The following LTBR variants were observed in gnomAD, a reference collection of about 807,000 sequenced individuals.
The protein encoded by LTBR is tumor necrosis factor receptor superfamily member 3.
In LTBR, 15 loss-of-function variants were observed where a neutral mutation model predicts 45.4. The ratio of observed to expected loss-of-function variants is 0.33; its 90% CI spans 0.22 to 0.51. LTBR has a LOEUF of 0.51. LTBR is among the 20% of genes least tolerant of loss of function. LTBR has a pLI of 0.97. For synonymous variants in LTBR, 228 were observed against 231.0 expected, an observed-to-expected ratio of 0.99 and a Z score of 0.12; for missense variants, 450 against 565.5, an observed-to-expected ratio of 0.80 and a Z score of 2.07.
upstream of LTBR, among the ~76,000 whole-genome samples, chr12:6,382,445 A>T (rs1409590658): frequency 6.6e-6 from 1 of 152,196 alleles, no homozygotes; most frequent in African/African-American, 2.4e-5. Flanking sequence ...GAAGAGAGAG[A>T]AAAAAGGACC....
chr12:6,388,582 C>T lies in LTBR; in HGVS notation c.775+77C>T, dbSNP rs1949075671. 9 of 1,278,268 alleles carry T rather than the reference C, an allele frequency of 7.0e-6. No individual in the cohort carries two copies. The highest frequency in any genetic ancestry group is 1.0e-5 in the Non-Finnish European group (9 of 880,774). 79.2% of individuals were successfully genotyped at this position (1,278,268 alleles called of 1,614,324 possible). ...GAATATTCAACTTCCCCGGTGCAAC[C>T]CTCCACACCCTCAAGACTCCCAATG... On this transcript the variant is annotated intron_variant, in intron 7 of 9. Coordinates refer to ENST00000228918, the MANE Select transcript of LTBR (RefSeq NM_002342.3). This position sits in a 1 kb window ranked among gnomAD's most constrained non-coding sequence, Gnocchi z 4.3.
At chr12:6,390,562 G>T in intron 9 of LTBR, 98 bp from the exon 10 acceptor site, 1 of 1,269,512 alleles carries the variant, frequency 7.9e-7, no homozygotes, top group Non-Finnish European at 1.1e-6. Flanking sequence ...GGAGAGGGGC[G>T]GGGCCAGGGG....
In LTBR at chr12:6,390,093, C is replaced by T. The variant is rs1949094143; in HGVS notation, c.802-19C>T. On this transcript the variant is annotated intron_variant, in intron 8 of 9. Coordinates refer to ENST00000228918, the MANE Select transcript of LTBR (RefSeq NM_002342.3). ...CTGGGGCCCTCATCATTGTTTGGGT[C>T]TCCATCTCTTTCCTGCAGGGAGAGG... 4 of 1,570,414 alleles carry T rather than the reference C, an allele frequency of 2.5e-6. No homozygotes were observed. The South Asian group carries it at 3.3e-5, about 13-fold the overall frequency.
Position 6,377,744 on chromosome 12 carries a change from C to T in LTBR, c.39+2150C>T, listed in dbSNP as rs906125483. ...CTCAAAGGTTCTGAAAAGCACCTCCCTGCCTTTTCTATTTGCCAGCTCATG... is the reference window on the plus strand; with the variant it reads ...CTCAAAGGTTCTGAAAAGCACCTCCTTGCCTTTTCTATTTGCCAGCTCATG... On this transcript the variant is annotated intron_variant, in intron 1 of 9. Transcript: ENST00000539925. 8 of 1,123,452 alleles carry T rather than the reference C, an allele frequency of 7.1e-6. No individual in the cohort carries two copies. The Admixed American group carries it at 1.2e-4, about 16-fold the overall frequency. 69.6% of individuals were successfully genotyped at this position (1,123,452 alleles called of 1,614,324 possible).
At chr12:6,382,090 G>A (rs1268979238), upstream of LTBR, among the ~76,000 whole-genome samples, 1 of 152,026 alleles carries the variant, frequency 6.6e-6, no homozygotes, top group Non-Finnish European at 1.5e-5. Flanking sequence ...TGTACCTTAC[G>A]GTTTCATTGT....
chr12:6,375,837 C>G, intron 1 of LTBR: 1 of 1,342,552 alleles, frequency 7.4e-7, no homozygotes, highest in Non-Finnish European at 9.5e-7. Context: ...GAGAAGGGGC[C>G]AGCCAGGCTG....
At chr12:6,384,807 C>T (rs1041252763) in intron 2 of LTBR, 123 bp downstream of exon 2, 10 of 1,073,678 alleles carry the variant, frequency 9.3e-6, no homozygotes, top group African/African-American at 6.2e-5. Context: ...TGGAGACGAG[C>T]GTGGGAAACC....
At chr12:6,385,173 G>C (rs112914665) in intron 3 of LTBR, 26 bp downstream of exon 3, 4 of 1,614,202 alleles carry the variant, frequency 2.5e-6, no homozygotes, top group Middle Eastern at 1.6e-4. Flanking sequence ...CCTGCGGGGG[G>C]GCTGGATCCC....
upstream of LTBR, among the ~76,000 whole-genome samples, chr12:6,380,540 C>T (rs138065160): frequency 6.6e-6 from 1 of 152,118 alleles, no homozygotes; most frequent in Admixed American, 6.6e-5. Flanking sequence ...AAAAATTAGC[C>T]GGGCCTGTTG....
chr12:6,388,584 T>A lies in LTBR; in HGVS notation c.775+79T>A. 7.8e-7 allele frequency: 1 copy of A among 1,284,772 alleles called. No individual in the cohort carries two copies. The highest frequency in any genetic ancestry group is 1.1e-6 in the Non-Finnish European group (1 of 886,430). The allele number at this position is 1,284,772 out of a possible 1,614,324, so 79.6% of individuals were successfully genotyped here. ...ATATTCAACTTCCCCGGTGCAACCC[T>A]CCACACCCTCAAGACTCCCAATGCC... On this transcript the variant is annotated intron_variant, in intron 7 of 9. Coordinates refer to ENST00000228918, the MANE Select transcript of LTBR (RefSeq NM_002342.3). The surrounding 1 kb of genome is among the most constrained non-coding windows in gnomAD (Gnocchi z 4.3).
At chr12:6,377,782 C>A in intron 1 of LTBR, 1 of 661,688 alleles carries the variant, frequency 1.5e-6, no homozygotes, top group South Asian at 1.5e-5. Flanking sequence ...TGAAATCCAA[C>A]CACTAGCTTA....
In LTBR at chr12:6,390,792, T is replaced by C. The variant is rs1949104492; in HGVS notation, c.1163T>C (p.Ile388Thr). 3 of 1,610,072 alleles carry C rather than the reference T, an allele frequency of 1.9e-6. No homozygotes were observed. The Admixed American group carries it at 5.0e-5, about 27-fold the overall frequency. Residue 388 changes from isoleucine (I) to threonine (T), a missense_variant, in exon 10 of 10, where the codon ATT becomes ACT. Physicochemically the swap from Ile to Thr is moderately conservative, Grantham distance 89. Around this residue, in one of 3 missense-constraint regions of LTBR, gnomAD observed 71 missense variants for 90.4 expected, o/e 0.79. Coordinates refer to ENST00000228918, the MANE Select transcript of LTBR (RefSeq NM_002342.3). ...LPATPEPPYP[I>T]PEEGDPGPPG... ...GCTACCCCCGAACCTCCATACCCCA[T>C]TCCCGAAGAGGGGGACCCTGGCCCT...
Position 6,388,671 on chromosome 12 carries a change from G to GGAACAAGCCAC in LTBR, c.776-129_776-128insGAACAAGCCAC. 8.3e-7 allele frequency: 1 copy of GGAACAAGCCAC among 1,208,516 alleles called. No homozygotes were observed. Among genetic ancestry groups the GGAACAAGCCAC allele is most frequent in the Non-Finnish European group, 1.2e-6 (1 of 820,458 alleles). The allele number at this position is 1,208,516 out of a possible 1,614,324, so 74.9% of individuals were successfully genotyped here. ...GCTTATTCTGAGGCTGGAGATGAGA[G>GGAACAAGCCAC]TGACAGTGGCTTGTTCCTCTGGGCC... is the stretch of plus-strand genomic sequence containing the variant. On this transcript the variant is annotated intron_variant, in intron 7 of 9. Transcript: ENST00000228918. The surrounding 1 kb of genome is among the most constrained non-coding windows in gnomAD (Gnocchi z 4.3).
In LTBR at chr12:6,391,218, A is replaced by C; in HGVS notation, c.*281A>C. On this transcript the variant is annotated 3_prime_UTR_variant, in exon 10 of 10. Transcript: ENST00000228918. The stretch of plus-strand genomic sequence containing the variant: ...GGCACGGACAGGGCACATGATACCA[A>C]CTGCTGCCCACTACGGCACGCCGCA... 1 of 329,810 alleles carries C rather than the reference A, an allele frequency of 3.0e-6. No individual in the cohort carries two copies. Among genetic ancestry groups the C allele is most frequent in the Non-Finnish European group, 5.5e-6 (1 of 181,458 alleles). The allele number at this position is 329,810 out of a possible 1,614,324, so 20.4% of individuals were successfully genotyped here. A position where few individuals can be genotyped will look rare whatever the true frequency, so the allele number is the denominator to read the frequency against.
intron 6 of LTBR, chr12:6,387,198 TA>T (rs796898446): frequency 3.3e-5 from 5 of 152,282 alleles, no homozygotes; most frequent in African/African-American, 1.2e-4. Flanking sequence ...TAAGCAAAAC[TA>T]AAAACTCACC....
At chr12:6,378,882 C>T (rs1158435877) in intron 1 of LTBR, among the ~76,000 whole-genome samples, 2 of 152,094 alleles carry the variant, frequency 1.3e-5, no homozygotes, top group Non-Finnish European at 2.9e-5. Flanking sequence ...CCTTCCCCTC[C>T]CAACACCAGC....
Position 6,390,954 on chromosome 12 carries a change from G to A in LTBR, c.*17G>A. ...CATGACTGACTGAGTCTGAGAAAAG[G>A]CAGAAGAAGGGGGGCACAAGGGCAC... On this transcript the variant is annotated 3_prime_UTR_variant, in exon 10 of 10. Transcript: ENST00000228918. 1.3e-6 allele frequency: 2 copies of A among 1,515,236 alleles called. No individual in the cohort carries two copies. Among genetic ancestry groups the A allele is most frequent in the Non-Finnish European group, 1.8e-6 (2 of 1,129,096 alleles). The allele number at this position is 1,515,236 out of a possible 1,614,324, so 93.9% of individuals were successfully genotyped here.
rs760794034 is a variant in LTBR at position 6,390,873 on chromosome 12, C to G, written c.1244C>G (p.Thr415Arg). The change falls in exon 10 of 10, where the codon ACA (threonine) becomes AGA (arginine). Residue 415 changes from threonine (T) to arginine (R), a missense_variant. Around this residue, in one of 3 missense-constraint regions of LTBR, gnomAD observed 71 missense variants for 90.4 expected, o/e 0.79. Transcript: ENST00000228918. ...GGCAAGGCTTGGCACCTAGCGGAGA[C>G]AGAGCACTGTGGTGCCACACCCTCT... is the stretch of plus-strand genomic sequence containing the variant. ...EDGKAWHLAE[T>R]EHCGATPSNR... is the part of the protein sequence containing the mutation. 3.7e-6 allele frequency: 6 copies of G among 1,607,380 alleles called. No homozygotes were observed. The South Asian group carries it at 6.7e-5, about 18-fold the overall frequency.
intron 1 of LTBR, chr12:6,377,811 T>A (rs1201542120): frequency 2.0e-6 from 1 of 494,284 alleles, no homozygotes; most frequent in South Asian, 1.6e-5. Flanking sequence ...TGGCAAATAG[T>A]TTTCATATCA....
Sources: gnomAD v4.1 joint callset for allele counts (sites outside exome capture counted in the v4.1 genomes callset) on GRCh38, gnomAD v4.1.1 for gene constraint, gnomAD v4.1.1 regional missense constraint, Gnocchi (gnomAD v3.1) non-coding constraint, MANE v1.5 for transcripts, NCBI Gene and HGNC (gene_info 2026-07-23, HGNC 2026-07-21) for gene names.